Variants in MSI2 observed in about 807,000 individuals in gnomAD.
MSI2 encodes the protein musashi RNA binding protein 2.
In MSI2, 17 loss-of-function variants were observed where a neutral mutation model predicts 45.6. That is an observed-to-expected ratio of 0.37 (90% CI 0.26 to 0.56). The LOEUF is 0.56. MSI2 is among the 20% of genes least tolerant of loss of function. The pLI is 0.77. For synonymous variants in MSI2, 156 were observed against 158.2 expected (o/e 0.99, Z 0.11); for missense variants, 293 against 444.2 (o/e 0.66, Z 3.06).
At chr17:57,675,243 C>A in intron 12 of MSI2, 117 bp downstream of exon 12, 1 of 1,015,112 alleles carries the variant, frequency 9.9e-7, no homozygotes, top group Non-Finnish European at 1.5e-6. Context: ...AGAGGGTCCC[C>A]ATCAACATCA....
intron 5 of MSI2, among the ~76,000 whole-genome samples, chr17:57,383,428 G>A (rs536562946): frequency 5.3e-4 from 80 of 152,158 alleles, no homozygotes; most frequent in African/African-American, 1.8e-3. Flanking sequence ...AGGCCAAGGC[G>A]GGTGGATCAC....
chr17:57,276,648 CTA>C (rs1177002724), intron 5 of MSI2, among the ~76,000 whole-genome samples: 1 of 152,220 alleles, frequency 6.6e-6, no homozygotes, highest in Non-Finnish European at 1.5e-5. Context: ...GGGTTCTGAG[CTA>C]CTGTGTTTCC....
chr17:57,639,997 G>T (rs1910130610), intron 10 of MSI2, among the ~76,000 whole-genome samples: 1 of 152,172 alleles, frequency 6.6e-6, no homozygotes, highest in South Asian at 2.1e-4. Context: ...GTGGGCCCCT[G>T]CCTGCTTGTT....
intron 7 of MSI2, among the ~76,000 whole-genome samples, chr17:57,550,623 A>C (rs989280767): frequency 2.6e-5 from 4 of 152,162 alleles, no homozygotes; most frequent in African/African-American, 9.7e-5. Context: ...AGTGAAGCAA[A>C]AATCCAAACG....
At chr17:57,637,798 C>T (rs180933225) in intron 10 of MSI2, among the ~76,000 whole-genome samples, 47 of 152,318 alleles carry the variant, frequency 3.1e-4, no homozygotes, top group African/African-American at 1.1e-3. Context: ...CAGAGGGCCC[C>T]GCCAGCTATG....
At chr17:57,439,977 C>G (rs1411790814) in intron 6 of MSI2, among the ~76,000 whole-genome samples, 1 of 152,156 alleles carries the variant, frequency 6.6e-6, no homozygotes, top group African/African-American at 2.4e-5. Context: ...AGCTAAGATT[C>G]AATACCAATG....
At chr17:57,644,709 A>G (rs1910521503) in intron 10 of MSI2, among the ~76,000 whole-genome samples, 1 of 152,088 alleles carries the variant, frequency 6.6e-6, no homozygotes, top group Admixed American at 6.6e-5. Flanking sequence ...CATGCTGGGG[A>G]AGGGGGTGGA....
Position 57,651,806 on chromosome 17 carries a change from T to C in MSI2, c.728-293T>C, listed in dbSNP as rs542519306. ...GCACGGCCAACAGGGAGCTCAACCC[T>C]GCTTCTCAAGAAAAAAATTCCTCCT... On this transcript the variant is annotated intron_variant, in intron 10 of 13. Transcript: ENST00000284073. 2.6e-5 allele frequency among the ~76,000 whole-genome samples: 4 copies of C among 152,354 alleles called. No homozygotes were observed. In the South Asian group the frequency reaches 8.3e-4, roughly 32 times the overall value.
intron 5 of MSI2, among the ~76,000 whole-genome samples, chr17:57,394,521 T>C (rs2083854839): frequency 6.6e-6 from 1 of 152,224 alleles, no homozygotes; most frequent in Non-Finnish European, 1.5e-5. Context: ...AGGGGAAAAG[T>C]ATATCTCAAC....
In MSI2 at chr17:57,682,317, T is replaced by TCCCCCCCCCCCC. The variant is rs397856811; in HGVS notation, c.*2801_*2812dup. 2 of 119,372 alleles carry TCCCCCCCCCCCC rather than the reference T, an allele frequency of 1.7e-5. No homozygotes were observed. The highest frequency in any genetic ancestry group is 6.8e-5 in the African/African-American group (2 of 29,624). The allele number at this position is 119,372 out of a possible 1,614,324, so 7.4% of individuals were successfully genotyped here. A position where few individuals can be genotyped will look rare whatever the true frequency, so the allele number is the denominator to read the frequency against. ...GGCGGACTCTACGGCGTTTTGTAGATCCCCCCCCCCCCACCCACTGTGAAG... is the reference window on the plus strand; with the variant it reads ...GGCGGACTCTACGGCGTTTTGTAGATCCCCCCCCCCCCCCCCCCCCCCCCACCCACTGTGAAG... On this transcript the variant is annotated 3_prime_UTR_variant, in exon 14 of 14. Transcript: ENST00000284073.
chr17:57,419,350 G>A (rs1052062612), intron 6 of MSI2, among the ~76,000 whole-genome samples: 8 of 140,692 alleles, frequency 5.7e-5, no homozygotes, highest in African/African-American at 1.1e-4. Context: ...GGGCTTTAAC[G>A]CAATTATTAC....
chr17:57,271,167 G>A (rs1908322570), intron 5 of MSI2, among the ~76,000 whole-genome samples: 1 of 152,148 alleles, frequency 6.6e-6, no homozygotes, highest in South Asian at 2.1e-4. Context: ...TGATCTGAAA[G>A]CATCACATTC....
intron 5 of MSI2, among the ~76,000 whole-genome samples, chr17:57,291,656 GAC>G (rs1209412312): frequency 6.6e-6 from 1 of 152,150 alleles, no homozygotes; most frequent in East Asian, 1.9e-4. Context: ...GTGTGGAGAT[GAC>G]ACACCTGACC....
intron 6 of MSI2, among the ~76,000 whole-genome samples, chr17:57,487,913 T>C (rs2085787039): frequency 6.6e-6 from 1 of 151,882 alleles, no homozygotes; most frequent in African/African-American, 2.4e-5. Context: ...GTGCCCCCTC[T>C]GTGCACACAG....
At chr17:57,431,153 C>A (rs537054949) in intron 6 of MSI2, among the ~76,000 whole-genome samples, 1 of 152,174 alleles carries the variant, frequency 6.6e-6, no homozygotes, top group Non-Finnish European at 1.5e-5. Context: ...AGAATTTATC[C>A]CTCCAGGCCC....
chr17:57,446,868 T>A (rs1189653615), intron 6 of MSI2, among the ~76,000 whole-genome samples: 1 of 152,150 alleles, frequency 6.6e-6, no homozygotes, highest in East Asian at 1.9e-4. Flanking sequence ...TGGCAAGAAA[T>A]GAACCTTTTG....
chr17:57,442,295 A>C (rs1322056335), intron 6 of MSI2, among the ~76,000 whole-genome samples: 1 of 152,154 alleles, frequency 6.6e-6, no homozygotes, highest in Non-Finnish European at 1.5e-5. Flanking sequence ...TCAGCCTCCC[A>C]AAGTGCTGGG....
chr17:57,287,391 C>T (rs1354699100), intron 5 of MSI2, among the ~76,000 whole-genome samples: 1 of 152,100 alleles, frequency 6.6e-6, no homozygotes, highest in Non-Finnish European at 1.5e-5. Context: ...TCTCGGCCAG[C>T]CTCAAGGAAG....
At chr17:57,535,701 G>A (rs934355080) in intron 7 of MSI2, among the ~76,000 whole-genome samples, 4 of 152,186 alleles carry the variant, frequency 2.6e-5, no homozygotes, top group Non-Finnish European at 5.9e-5. Flanking sequence ...TCCCAGAGTG[G>A]CTGTGGTTTA....
Sources: allele counts gnomAD v4.1 joint callset (sites outside exome capture counted in the v4.1 genomes callset), GRCh38; gene constraint gnomAD v4.1.1; transcripts MANE v1.5; gene names NCBI Gene and HGNC (gene_info 2026-07-23, HGNC 2026-07-21).